RELN: variants seen among roughly 807,000 people sequenced by gnomAD.
RELN encodes the protein reelin.
In RELN, 108 loss-of-function variants were observed where a neutral mutation model predicts 427.6. The observed-to-expected ratio is 0.25, with a 90% CI of 0.22 to 0.30. The LOEUF (loss-of-function observed/expected upper bound fraction) is 0.30. Ranked by LOEUF, RELN falls within the 10% of genes least tolerant of loss-of-function variation. The pLI, the probability that RELN is intolerant of heterozygous loss-of-function variation, is 1.00. For synonymous variants in RELN, 1,524 were observed against 1,513.4 expected (o/e 1.01, Z -0.16); for missense variants, 3,715 against 4,302.8 (o/e 0.86, Z 3.82).
intron 3 of RELN, among the ~76,000 whole-genome samples, chr7:103,780,578 T>C (rs1389401784): frequency 6.6e-6 from 1 of 152,138 alleles, no homozygotes; most frequent in Non-Finnish European, 1.5e-5. Context: ...TAGGCTCCAG[T>C]GTGTGTTGTT....
intron 1 of RELN, among the ~76,000 whole-genome samples, chr7:103,940,670 G>A (rs1193147408): frequency 2.6e-5 from 4 of 152,092 alleles, no homozygotes; most frequent in Admixed American, 6.5e-5. Flanking sequence ...TCATATCCCT[G>A]ATAAAATAAC....
At chr7:103,938,310 A>G (rs1417412680) in intron 1 of RELN, among the ~76,000 whole-genome samples, 1 of 152,172 alleles carries the variant, frequency 6.6e-6, no homozygotes, top group East Asian at 1.9e-4. Flanking sequence ...AAGAAAAAAA[A>G]AGAAAAACCC....
intron 53 of RELN, among the ~76,000 whole-genome samples, chr7:103,500,133 CTA>C (rs1454404033): frequency 6.6e-6 from 1 of 152,124 alleles, no homozygotes; most frequent in African/African-American, 2.4e-5. Context: ...GACAAATGCA[CTA>C]TGTTTATTCA....
rs561294055 is a variant in RELN, at chr7:103,589,800, C to T, written c.3941G>A (p.Ser1314Asn). Residue 1314 changes from serine (S) to asparagine (N), a missense_variant, in exon 28 of 65, where the codon AGC (serine) becomes AAC (asparagine). Transcript: ENST00000428762. ...KLNIGCANQF[S>N]STAPVLLQYS... The stretch of plus-strand genomic sequence containing the variant: ...CTGAAGAAGAACTGGAGCAGTACTG[C>T]TGAATTGATTGGCACAACCTATGTT... The T allele has an allele frequency of 8.1e-6, 13 of 1,609,958 alleles. No individual in the cohort carries two copies. The South Asian group carries it at 9.9e-5, about 12-fold the overall frequency.
Position 103,944,991 on chromosome 7 carries a change from A to G in RELN, c.227-27806T>C, listed in dbSNP as rs116952005. On this transcript the variant is annotated intron_variant, in intron 1 of 64. Transcript: ENST00000428762. ...CCAGTCCCCAGGTATGTTATTAAAA[A>G]ACAAACAAAAAAAACACCTACGGAT... Among the ~76,000 whole-genome samples, 27 of 152,266 alleles carry G rather than the reference A, an allele frequency of 1.8e-4. No homozygotes were observed. The East Asian group carries it at 5.2e-3, about 29-fold the overall frequency.
rs772564580 is a variant in RELN at position 103,569,327 on chromosome 7, T to G, written c.4589-2568A>C. Among the ~76,000 whole-genome samples, 7 of 152,192 alleles carry G rather than the reference T, an allele frequency of 4.6e-5. No homozygotes were observed. Among genetic ancestry groups the G allele is most frequent in the Non-Finnish European group, 8.8e-5 (6 of 68,034 alleles). ...AGCCCTGGCTAAGTCTTCCAGTGAC[T>G]GCACCCCTCCTGGCTTTTGTCCTGA... is the stretch of plus-strand genomic sequence containing the variant. On this transcript the variant is annotated intron_variant, in intron 31 of 64. Transcript: ENST00000428762. This position sits in a 1 kb window ranked among gnomAD's most constrained non-coding sequence, Gnocchi z 4.0.
In RELN at chr7:103,556,936, C is replaced by T. The variant is rs141160775; in HGVS notation, c.5797+41G>A. 355 of 1,490,114 alleles carry T rather than the reference C, an allele frequency of 2.4e-4. No homozygotes were observed. In the African/African-American group the frequency reaches 4.1e-3, roughly 17 times the overall value. The allele number at this position is 1,490,114 out of a possible 1,614,324, so 92.3% of individuals were successfully genotyped here. ...CTTAGAAACAAATGTGTTAACATGC[C>T]ACTATCAGTTCTGATCACAGGAGAA... On this transcript the variant is annotated intron_variant, in intron 38 of 64. Coordinates refer to ENST00000428762, the MANE Select transcript of RELN (RefSeq NM_005045.4).
chr7:103,795,304 G>A (rs1334679185), intron 3 of RELN, among the ~76,000 whole-genome samples: 1 of 152,202 alleles, frequency 6.6e-6, no homozygotes, highest in Non-Finnish European at 1.5e-5. Flanking sequence ...CACATTTTCT[G>A]TGAATTTACT....
chr7:103,939,745 T>C (rs1010587401), intron 1 of RELN, among the ~76,000 whole-genome samples: 19 of 152,342 alleles, frequency 1.2e-4, no homozygotes, highest in African/African-American at 4.6e-4. Flanking sequence ...ATGTTCAATG[T>C]TCAAAGGATG....
At chr7:103,950,292 C>T (rs10269319) in intron 1 of RELN, among the ~76,000 whole-genome samples, 27,554 of 152,142 alleles carry the variant, frequency 0.18, 2,706 homozygotes, top group African/African-American at 0.25. Flanking sequence ...AGGACATAAA[C>T]ATTCACACCA....
chr7:103,497,959 AT>A (rs1489470699), intron 54 of RELN, 33 bp from the exon 55 acceptor site: 1 of 1,607,568 alleles, frequency 6.2e-7, no homozygotes, highest in Non-Finnish European at 8.5e-7. Flanking sequence ...CATCAGAATA[AT>A]TCATTAGAAC....
chr7:103,472,992 A>G, intron 64 of RELN, 84 bp from the exon 65 acceptor site: 1 of 1,093,080 alleles, frequency 9.1e-7, no homozygotes, highest in Non-Finnish European at 1.4e-6. Context: ...AATCTATTCT[A>G]GGTCCTAAGT....
At chr7:103,782,095 T>A (rs745539) in intron 3 of RELN, among the ~76,000 whole-genome samples, 62,380 of 151,886 alleles carry the variant, frequency 0.41, 12,949 homozygotes, top group Middle Eastern at 0.51. Context: ...ATTAACTAAG[T>A]AATTTTAAAA....
intron 61 of RELN, chr7:103,484,069 G>A (rs777644825): frequency 1.4e-4 from 77 of 550,406 alleles, no homozygotes; most frequent in Middle Eastern, 4.8e-4. Context: ...TAGTATAGAC[G>A]GGGTTTTGAC....
intron 2 of RELN, among the ~76,000 whole-genome samples, chr7:103,905,607 C>T (rs1042514914): frequency 4.6e-5 from 7 of 152,168 alleles, no homozygotes; most frequent in South Asian, 2.1e-4. Flanking sequence ...AAATACCTTA[C>T]GAATCCTCAA....
chr7:103,913,232 T>A (rs1405942518), intron 2 of RELN, among the ~76,000 whole-genome samples: 1 of 152,150 alleles, frequency 6.6e-6, no homozygotes, highest in Non-Finnish European at 1.5e-5. Context: ...CATACACACA[T>A]TTTACATTCA....
intron 3 of RELN, among the ~76,000 whole-genome samples, chr7:103,791,588 G>A (rs955372716): frequency 6.6e-6 from 1 of 152,086 alleles, no homozygotes; most frequent in South Asian, 2.1e-4. Flanking sequence ...TAACAAAATG[G>A]ATCATAGATT....
chr7:103,977,310 C>CAAAAAAA lies in RELN; in HGVS notation c.226+11814_226+11820dup, dbSNP rs201026012. On this transcript the variant is annotated intron_variant, in intron 1 of 64. Transcript: ENST00000428762. ...TGGGTGACAGAGTGAGACTCTGTCTCAAAAAAAAAAAAAAAAAAAAAAAAA... is the reference window on the plus strand; with the variant it reads ...TGGGTGACAGAGTGAGACTCTGTCTCAAAAAAAAAAAAAAAAAAAAAAAAAAAAAAAA... 1.2e-3 allele frequency among the ~76,000 whole-genome samples: 103 copies of CAAAAAAA among 88,252 alleles called. 5 individuals carry two copies. The highest frequency in any genetic ancestry group is 5.1e-3 in the African/African-American group (98 of 19,268). 57.9% of individuals were successfully genotyped at this position (88,252 alleles called of 152,430 possible).
Position 103,739,254 on chromosome 7 carries a change from G to T in RELN, c.656+10172C>A, listed in dbSNP as rs926292965. 5.3e-5 allele frequency among the ~76,000 whole-genome samples: 8 copies of T among 152,190 alleles called. No individual in the cohort carries two copies. In the East Asian group the frequency reaches 1.2e-3, roughly 22 times the overall value. ...AGTGCAATAATTTAATTCATAAAAA[G>T]AAACTATGGATATGTAGTTGATGTT... On this transcript the variant is annotated intron_variant, in intron 6 of 64. Coordinates refer to ENST00000428762, the MANE Select transcript of RELN (RefSeq NM_005045.4).
Sources: allele counts gnomAD v4.1 joint callset (sites outside exome capture counted in the v4.1 genomes callset), GRCh38; gene constraint gnomAD v4.1.1; non-coding constraint Gnocchi (gnomAD v3.1); transcripts MANE v1.5; gene names NCBI Gene and HGNC (gene_info 2026-07-23, HGNC 2026-07-21).